The following SLC39A11 variants were observed in gnomAD, a reference collection of about 807,000 sequenced individuals.
SLC39A11 encodes solute carrier family 39 member 11, also known as zinc transporter ZIP11.
A neutral mutation model predicts 36.1 loss-of-function variants in SLC39A11; 33 were observed. That is an observed-to-expected ratio of 0.91 (90% CI 0.69 to 1.22). SLC39A11 has a LOEUF of 1.22. Among genes scored for constraint, SLC39A11 ranks in the 50% most tolerant of loss-of-function variants. The pLI, the probability that SLC39A11 is intolerant of heterozygous loss-of-function variation, is 0.00. For synonymous variants in SLC39A11, 166 were observed against 170.3 expected, an observed-to-expected ratio of 0.97 and a Z score of 0.20; for missense variants, 432 against 430.3, an observed-to-expected ratio of 1.00 and a Z score of -0.03.
At chr17:72,651,725 A>T (rs2069862182) in intron 7 of SLC39A11, among the ~76,000 whole-genome samples, 4 of 152,132 alleles carry the variant, frequency 2.6e-5, no homozygotes, top group Admixed American at 2.6e-4. Context: ...CCGAAAACTG[A>T]TCAGTTCCTT....
chr17:72,772,734 T>C (rs1004487168), intron 6 of SLC39A11, among the ~76,000 whole-genome samples: 5 of 151,852 alleles, frequency 3.3e-5, no homozygotes, highest in African/African-American at 1.2e-4. Flanking sequence ...AAGAAATGAA[T>C]GAGTGAAATG....
At chr17:72,904,777 T>C (rs1018369624) in intron 5 of SLC39A11, among the ~76,000 whole-genome samples, 1 of 152,126 alleles carries the variant, frequency 6.6e-6, no homozygotes, top group Non-Finnish European at 1.5e-5. Flanking sequence ...CTCTCACAAA[T>C]GTGGTCCCCG....
chr17:72,828,667 G>C (rs999616811), intron 6 of SLC39A11, among the ~76,000 whole-genome samples: 1 of 152,182 alleles, frequency 6.6e-6, no homozygotes, highest in Admixed American at 6.5e-5. Flanking sequence ...GGGGGTTTTC[G>C]CACCTGTGGG....
intron 4 of SLC39A11, among the ~76,000 whole-genome samples, chr17:72,994,743 T>A (rs574972042): frequency 6.6e-6 from 1 of 152,324 alleles, no homozygotes; most frequent in South Asian, 2.1e-4. Context: ...CTGTGCATCA[T>A]TTAACTCTAA....
intron 5 of SLC39A11, among the ~76,000 whole-genome samples, chr17:72,875,846 C>T (rs2080873928): frequency 6.6e-6 from 1 of 152,100 alleles, no homozygotes; most frequent in Non-Finnish European, 1.5e-5. Flanking sequence ...AAAACAGGGG[C>T]AGGGTGGAAG....
At chr17:72,885,905 TCTA>T (rs2081416917) in intron 5 of SLC39A11, among the ~76,000 whole-genome samples, 1 of 152,186 alleles carries the variant, frequency 6.6e-6, no homozygotes, top group African/African-American at 2.4e-5. Context: ...TCTCCACCAT[TCTA>T]CTGAGACTGC....
chr17:72,975,270 C>T (rs558636803), intron 4 of SLC39A11, among the ~76,000 whole-genome samples: 2 of 152,126 alleles, frequency 1.3e-5, no homozygotes, highest in South Asian at 4.2e-4. Context: ...GAAACCCTGT[C>T]CCTACTAAAT....
chr17:72,716,569 G>GA (rs11377152), intron 7 of SLC39A11, among the ~76,000 whole-genome samples: 36,747 of 148,134 alleles, frequency 0.25, 6,128 homozygotes, highest in African/African-American at 0.48. Context: ...AGAGTATAAG[G>GA]AAAAAAAAAA....
At chr17:72,816,397 A>G (rs939093926) in intron 6 of SLC39A11, among the ~76,000 whole-genome samples, 1 of 151,676 alleles carries the variant, frequency 6.6e-6, no homozygotes, top group Admixed American at 6.6e-5. Context: ...CTGCCAGGGA[A>G]AAAAAAAACA....
intron 5 of SLC39A11, among the ~76,000 whole-genome samples, 183 bp from the exon 6 acceptor site, chr17:72,849,987 G>A (rs1158405720): frequency 2.0e-5 from 3 of 151,336 alleles, no homozygotes; most frequent in South Asian, 2.1e-4. Flanking sequence ...CCAACTTCCC[G>A]GGCTCAAGCC....
chr17:72,966,535 AG>A (rs1410600849), intron 4 of SLC39A11, among the ~76,000 whole-genome samples: 1 of 151,464 alleles, frequency 6.6e-6, no homozygotes, highest in Non-Finnish European at 1.5e-5. Context: ...CAGGGGGTTG[AG>A]GAAAGGAAGC....
At chr17:72,661,271 G>T (rs1161881464) in intron 7 of SLC39A11, among the ~76,000 whole-genome samples, 1 of 152,188 alleles carries the variant, frequency 6.6e-6, no homozygotes, top group Non-Finnish European at 1.5e-5. Flanking sequence ...GGACACTCCT[G>T]CTTGAGCGCA....
chr17:73,028,898 A>G lies in SLC39A11; in HGVS notation c.306+2658T>C, dbSNP rs1377466315. On this transcript the variant is annotated intron_variant, in intron 4 of 9. Coordinates refer to ENST00000255559, the MANE Select transcript of SLC39A11 (RefSeq NM_139177.4). ...TTTGGGAGGCTAAGGTGGGAGGATCACTTGAGGTCAGGAGTTCAAGACCAG... is the reference window on the plus strand; with the variant it reads ...TTTGGGAGGCTAAGGTGGGAGGATCGCTTGAGGTCAGGAGTTCAAGACCAG... 2.6e-5 allele frequency among the ~76,000 whole-genome samples: 4 copies of G among 151,830 alleles called. No homozygotes were observed. The East Asian group carries it at 5.8e-4, about 22-fold the overall frequency.
chr17:73,050,882 T>A (rs2059474308), intron 3 of SLC39A11, among the ~76,000 whole-genome samples: 1 of 152,154 alleles, frequency 6.6e-6, no homozygotes, highest in Non-Finnish European at 1.5e-5. Context: ...ACCAGTGTCA[T>A]CAGTGCAGGT....
At chr17:72,909,906 C>T (rs2082889518) in intron 5 of SLC39A11, among the ~76,000 whole-genome samples, 1 of 151,838 alleles carries the variant, frequency 6.6e-6, no homozygotes, top group South Asian at 2.1e-4. Context: ...CCATTACGCC[C>T]GGCTACTTTT....
intron 3 of SLC39A11, among the ~76,000 whole-genome samples, chr17:73,062,859 G>A (rs901950922): frequency 2.0e-5 from 3 of 152,162 alleles, no homozygotes; most frequent in South Asian, 2.1e-4. Context: ...CATAGGAGTT[G>A]TGCTCCTGTG....
rs552259280 is a variant in SLC39A11, at chr17:73,003,813, C to T, written c.306+27743G>A. Among the ~76,000 whole-genome samples the T allele has an allele frequency of 2.4e-3, 372 of 152,206 alleles. 1 individual carries two copies. Among genetic ancestry groups the T allele is most frequent in the African/African-American group, 8.3e-3 (344 of 41,536 alleles). On this transcript the variant is annotated intron_variant, in intron 4 of 9. Coordinates refer to ENST00000255559, the MANE Select transcript of SLC39A11 (RefSeq NM_139177.4). ...ACTATAAAATGCCACAGGCCAGGTACGGTGGCTCATGCCTATAATCTCAGC... is the reference window on the plus strand; with the variant it reads ...ACTATAAAATGCCACAGGCCAGGTATGGTGGCTCATGCCTATAATCTCAGC...
chr17:72,907,480 G>A (rs150303410), intron 5 of SLC39A11, among the ~76,000 whole-genome samples: 2 of 152,200 alleles, frequency 1.3e-5, no homozygotes, highest in African/African-American at 2.4e-5. Flanking sequence ...ACAGAGTGAC[G>A]GAGCGAGACT....
intron 5 of SLC39A11, among the ~76,000 whole-genome samples, chr17:72,877,753 C>A (rs1309307090): frequency 6.6e-6 from 1 of 152,082 alleles, no homozygotes; most frequent in Non-Finnish European, 1.5e-5. Flanking sequence ...ACTCTGGCGC[C>A]TCAGGTCCAG....
Sources: allele counts gnomAD v4.1 joint callset (sites outside exome capture counted in the v4.1 genomes callset), GRCh38; gene constraint gnomAD v4.1.1; transcripts MANE v1.5; gene names NCBI Gene and HGNC (gene_info 2026-07-23, HGNC 2026-07-21).